KIF13B: variants seen among roughly 807,000 people sequenced by gnomAD.
KIF13B encodes kinesin-like protein KIF13B.
In KIF13B, 127 loss-of-function variants were observed where a neutral mutation model predicts 222.0. That is an observed-to-expected ratio of 0.57 (90% CI 0.50 to 0.66). The LOEUF is 0.66. KIF13B is among the 30% of genes least tolerant of loss of function. The pLI is 0.00. For missense variants in KIF13B, 2,173 were observed against 2,379.0 expected, an observed-to-expected ratio of 0.91 and a Z score of 1.80; for synonymous variants, 976 against 919.0, an observed-to-expected ratio of 1.06 and a Z score of -1.12.
chr8:29,133,965 G>A, intron 22 of KIF13B, 75 bp downstream of exon 22: 1 of 1,401,584 alleles, frequency 7.1e-7, no homozygotes, highest in Non-Finnish European at 9.7e-7. Context: ...TTTAGTCAAA[G>A]AAACAAGGTT....
rs35132469 is a variant in KIF13B at position 29,232,441 on chromosome 8, AAT to A, written c.149+12903_149+12904del. On this transcript the variant is annotated intron_variant, in intron 2 of 39. Transcript: ENST00000524189. ...AAAAAATAAAAAAAATTAAAAAATAAATATATATATATATACTTATAAAGAAA... is the reference window on the plus strand; with the variant it reads ...AAAAAATAAAAAAAATTAAAAAATAAATATATATATATACTTATAAAGAAA... Among the ~76,000 whole-genome samples the A allele has an allele frequency of 3.5e-4, 52 of 146,604 alleles. No individual in the cohort carries two copies. The East Asian group carries it at 5.9e-3, about 17-fold the overall frequency.
At chr8:29,138,650 C>T (rs960662334) in intron 21 of KIF13B, 1 of 152,208 alleles carries the variant, frequency 6.6e-6, no homozygotes, top group Non-Finnish European at 1.5e-5. Context: ...CAGGTAACAC[C>T]TGTATACCTA....
intron 1 of KIF13B, among the ~76,000 whole-genome samples, chr8:29,261,159 A>G (rs569739197): frequency 9.0e-4 from 137 of 152,316 alleles, no homozygotes; most frequent in African/African-American, 3.0e-3. Context: ...TACACCAAAT[A>G]ATGCACTTCT....
At chr8:29,160,647 A>T in intron 13 of KIF13B, 86 bp downstream of exon 13, 1 of 1,285,422 alleles carries the variant, frequency 7.8e-7, no homozygotes, top group Non-Finnish European at 1.1e-6. Flanking sequence ...TTTCTGAGTA[A>T]GCATGGTTCC....
intron 31 of KIF13B, among the ~76,000 whole-genome samples, chr8:29,114,122 G>A (rs2129643250): frequency 6.6e-6 from 1 of 152,318 alleles, no homozygotes; most frequent in South Asian, 2.1e-4. Context: ...CTCATTTCAA[G>A]ATGCTGTTAA....
chr8:29,167,013 T>A lies in KIF13B; in HGVS notation c.1158+360A>T, dbSNP rs538959133. ...GGTAACAAATGAGATTCAACAAAAA[T>A]CCTGCTCTCCATCATTTTCTGCACA... On this transcript the variant is annotated intron_variant, in intron 11 of 39. Transcript: ENST00000524189. 1.2e-4 allele frequency among the ~76,000 whole-genome samples: 18 copies of A among 152,280 alleles called. 1 individual carries two copies. In the South Asian group the frequency reaches 3.7e-3, roughly 32 times the overall value.
At chr8:29,230,977 C>T (rs538693420) in intron 2 of KIF13B, among the ~76,000 whole-genome samples, 1 of 152,194 alleles carries the variant, frequency 6.6e-6, no homozygotes, top group Non-Finnish European at 1.5e-5. Flanking sequence ...CCTCCCCAGA[C>T]TCAGGTGATC....
chr8:29,090,804 C>T (rs12114522), intron 37 of KIF13B, among the ~76,000 whole-genome samples: 1,615 of 152,298 alleles, frequency 0.011, 26 homozygotes, highest in African/African-American at 0.035. Flanking sequence ...CTGCCTCCCG[C>T]GTTCAAGCGA....
chr8:29,151,279 C>T (rs1011573709), intron 14 of KIF13B, among the ~76,000 whole-genome samples: 2 of 152,242 alleles, frequency 1.3e-5, no homozygotes, highest in Non-Finnish European at 1.5e-5. Flanking sequence ...TAGCAGAGGT[C>T]GGTTCATGAG....
chr8:29,186,566 G>A (rs1340076733), intron 5 of KIF13B, 94 bp from the exon 6 acceptor site: 27 of 997,554 alleles, frequency 2.7e-5, no homozygotes, highest in Admixed American at 1.9e-4. Flanking sequence ...TTGGCAAAAC[G>A]CCAAAATGCA....
intron 27 of KIF13B, among the ~76,000 whole-genome samples, 192 bp from the exon 28 acceptor site, chr8:29,123,684 C>A (rs1250179099): frequency 1.3e-5 from 2 of 152,200 alleles, no homozygotes; most frequent in African/African-American, 4.8e-5. Context: ...CCTGGGAGGC[C>A]TACAGAGGGA....
chr8:29,228,266 C>T (rs989687945), intron 2 of KIF13B, among the ~76,000 whole-genome samples: 2 of 150,970 alleles, frequency 1.3e-5, no homozygotes, highest in African/African-American at 4.9e-5. Context: ...GAGGTCGAGA[C>T]CATCCTGGCT....
At chr8:29,076,485 G>C (rs77947502) in intron 37 of KIF13B, among the ~76,000 whole-genome samples, 3,570 of 152,324 alleles carry the variant, frequency 0.023, 119 homozygotes, top group African/African-American at 0.08. Flanking sequence ...TTGAGGCCTC[G>C]ATGGAGTCAG....
At chr8:29,130,504 T>C in intron 24 of KIF13B, 29 bp downstream of exon 24, 1 of 1,611,664 alleles carries the variant, frequency 6.2e-7, no homozygotes, top group Non-Finnish European at 8.5e-7. Context: ...CACCAAAGAA[T>C]CTAATGTAAA....
At chr8:29,239,576 GTGGGTA>G (rs993557849) in intron 2 of KIF13B, among the ~76,000 whole-genome samples, 1 of 152,212 alleles carries the variant, frequency 6.6e-6, no homozygotes, top group Non-Finnish European at 1.5e-5. Context: ...AGAACTCCCA[GTGGGTA>G]CTATGTTCAC....
chr8:29,223,164 C>CAAAAAAAAAAAAAAA (rs375009923), intron 2 of KIF13B, among the ~76,000 whole-genome samples: 1 of 113,166 alleles, frequency 8.8e-6, no homozygotes, highest in African/African-American at 3.5e-5. Context: ...CAAAAAAATA[C>CAAAAAAAAAAAAAAA]AAAAAAAAAA....
At chr8:29,154,927 A>G (rs551638365) in intron 14 of KIF13B, among the ~76,000 whole-genome samples, 7 of 152,218 alleles carry the variant, frequency 4.6e-5, no homozygotes, top group Non-Finnish European at 1.0e-4. Flanking sequence ...TTTTGACATC[A>G]TAAAATGAAA....
intron 37 of KIF13B, among the ~76,000 whole-genome samples, chr8:29,088,158 C>T (rs1033688205): frequency 2.0e-4 from 30 of 151,710 alleles, no homozygotes; most frequent in African/African-American, 6.3e-4. Context: ...CCCAGCTACT[C>T]GGGAAGCTGA....
chr8:29,253,931 T>C (rs1196620460), intron 1 of KIF13B, among the ~76,000 whole-genome samples: 1 of 151,226 alleles, frequency 6.6e-6, no homozygotes, highest in Admixed American at 6.6e-5. Context: ...TGACTCCCAG[T>C]TTCGAAACTT....
Sources: gnomAD v4.1 joint callset for allele counts (sites outside exome capture counted in the v4.1 genomes callset) on GRCh38, gnomAD v4.1.1 for gene constraint, MANE v1.5 for transcripts, NCBI Gene and HGNC (gene_info 2026-07-23, HGNC 2026-07-21) for gene names.